ATXN7L1: variants seen among roughly 807,000 people sequenced by gnomAD.
The protein encoded by ATXN7L1 is ataxin-7-like protein 1.
Under a neutral mutation model 70.8 loss-of-function variants are expected in ATXN7L1, and 15 were observed. The ratio of observed to expected loss-of-function variants is 0.21; its 90% CI spans 0.14 to 0.33. The LOEUF (loss-of-function observed/expected upper bound fraction) is 0.33. Among genes scored for constraint, ATXN7L1 ranks in the 10% least tolerant of loss-of-function variants. The pLI is 1.00. For missense variants in ATXN7L1, 975 were observed against 1,097.1 expected (o/e 0.89, Z 1.57); for synonymous variants, 440 against 445.1 (o/e 0.99, Z 0.14).
At chr7:105,622,481 G>A (rs565946027) in intron 8 of ATXN7L1, among the ~76,000 whole-genome samples, 1 of 152,324 alleles carries the variant, frequency 6.6e-6, no homozygotes, top group South Asian at 2.1e-4. Context: ...TCCTCACTGC[G>A]TGGGCCACCG....
At chr7:105,756,334 G>C (rs930647660) in intron 3 of ATXN7L1, among the ~76,000 whole-genome samples, 1 of 152,176 alleles carries the variant, frequency 6.6e-6, no homozygotes, top group Admixed American at 6.5e-5. Context: ...TGTGGGCAAA[G>C]GGAGTGCTCA....
intron 3 of ATXN7L1, among the ~76,000 whole-genome samples, chr7:105,750,215 G>A (rs1019202143): frequency 6.6e-6 from 1 of 151,584 alleles, no homozygotes. Context: ...TTAAGTTTGT[G>A]TTTCAAACAA....
chr7:105,690,978 T>C lies in ATXN7L1; in HGVS notation c.356-25690A>G, dbSNP rs1050986997. 5.3e-5 allele frequency among the ~76,000 whole-genome samples: 8 copies of C among 152,200 alleles called. 1 individual carries two copies. Among genetic ancestry groups the C allele is most frequent in the African/African-American group, 1.9e-4 (8 of 41,454 alleles). The stretch of plus-strand genomic sequence containing the variant: ...ATAAAGCATGAGCCCATATGCCATC[T>C]TGCAGTCAATCATCCTTTTAAAAAT... On this transcript the variant is annotated intron_variant, in intron 3 of 11. Coordinates refer to ENST00000419735, the MANE Select transcript of ATXN7L1 (RefSeq NM_020725.2).
At chr7:105,824,921 CAA>C (rs202077099) in intron 2 of ATXN7L1, among the ~76,000 whole-genome samples, 1 of 95,570 alleles carries the variant, frequency 1.0e-5, no homozygotes, top group Non-Finnish European at 2.2e-5. Context: ...GATTCCGTCT[CAA>C]AAAAAAAAAA....
At chr7:105,872,558 C>T (rs886532900) in intron 2 of ATXN7L1, among the ~76,000 whole-genome samples, 3 of 152,044 alleles carry the variant, frequency 2.0e-5, no homozygotes, top group African/African-American at 2.4e-5. Context: ...GTGAAATAAA[C>T]CAGATACAAA....
chr7:105,624,968 C>G (rs1445160455), intron 7 of ATXN7L1, among the ~76,000 whole-genome samples: 1 of 152,240 alleles, frequency 6.6e-6, no homozygotes, highest in African/African-American at 2.4e-5. Context: ...ACTTGCCATA[C>G]AGTTGCTTTC....
intron 7 of ATXN7L1, among the ~76,000 whole-genome samples, chr7:105,631,296 G>A (rs2115854772): frequency 6.6e-6 from 1 of 152,298 alleles, no homozygotes; most frequent in African/African-American, 2.4e-5. Flanking sequence ...CCTCCAAGAA[G>A]CTGGCCACCT....
At chr7:105,704,996 T>C (rs969600424) in intron 3 of ATXN7L1, among the ~76,000 whole-genome samples, 1 of 152,012 alleles carries the variant, frequency 6.6e-6, no homozygotes, top group East Asian at 1.9e-4. Context: ...AACTCAGTTT[T>C]GTAGAGATTA....
chr7:105,612,278 G>A (rs908948720), intron 10 of ATXN7L1, among the ~76,000 whole-genome samples: 10 of 152,224 alleles, frequency 6.6e-5, no homozygotes, highest in Non-Finnish European at 1.3e-4. Flanking sequence ...TGTAAAAGGA[G>A]AGTAACAGCA....
chr7:105,821,836 CACA>C (rs1358442175), intron 2 of ATXN7L1, among the ~76,000 whole-genome samples: 1 of 152,248 alleles, frequency 6.6e-6, no homozygotes. Context: ...CTCCTGTGCT[CACA>C]ACACTTCCAT....
In ATXN7L1 at chr7:105,834,406, A is replaced by G. The variant is rs931433733; in HGVS notation, c.250+41406T>C. 2.9e-4 allele frequency among the ~76,000 whole-genome samples: 44 copies of G among 152,198 alleles called. 1 individual carries two copies. Among genetic ancestry groups the G allele is most frequent in the African/African-American group, 1.1e-3 (44 of 41,434 alleles). On this transcript the variant is annotated intron_variant, in intron 2 of 11. Transcript: ENST00000419735. ...TAGTATGCCACTGAATGGATATATC[A>G]CAAATTACTTAACCAGTCTCCTATC... is the stretch of plus-strand genomic sequence containing the variant.
At chr7:105,645,354 A>G (rs1798828324) in intron 4 of ATXN7L1, among the ~76,000 whole-genome samples, 1 of 152,222 alleles carries the variant, frequency 6.6e-6, no homozygotes, top group Non-Finnish European at 1.5e-5. Flanking sequence ...ACTTCAATAA[A>G]CCTGACTTTA....
In ATXN7L1 at chr7:105,787,365, C is replaced by T. The variant is rs150312162; in HGVS notation, c.355+1239G>A. Among the ~76,000 whole-genome samples, 7 of 152,304 alleles carry T rather than the reference C, an allele frequency of 4.6e-5. No homozygotes were observed. In the South Asian group the frequency reaches 6.2e-4, roughly 14 times the overall value. ...CCTCTGACCAAACCTCCTCCTATAG[C>T]GCTTTCTAGGGCCCTTGCTTTGCCT... is the stretch of plus-strand genomic sequence containing the variant. On this transcript the variant is annotated intron_variant, in intron 3 of 11. Transcript: ENST00000419735.
chr7:105,718,399 T>A (rs896978502), intron 3 of ATXN7L1, among the ~76,000 whole-genome samples: 6 of 152,108 alleles, frequency 3.9e-5, no homozygotes, highest in African/African-American at 1.4e-4. Flanking sequence ...TAAAAAACAA[T>A]ATAAATGGGA....
At chr7:105,830,017 C>T (rs796950756) in intron 2 of ATXN7L1, among the ~76,000 whole-genome samples, 8 of 152,318 alleles carry the variant, frequency 5.3e-5, no homozygotes, top group African/African-American at 9.6e-5. Flanking sequence ...TGGGGACACA[C>T]GAAGTGGCTC....
intron 4 of ATXN7L1, among the ~76,000 whole-genome samples, chr7:105,653,309 G>A (rs758492706): frequency 4.7e-4 from 72 of 152,136 alleles, no homozygotes; most frequent in Middle Eastern, 3.4e-3. Context: ...TTAGCCAGGC[G>A]TGGTGGTGTA....
chr7:105,775,339 C>G (rs1366704390), intron 3 of ATXN7L1, among the ~76,000 whole-genome samples: 1 of 152,144 alleles, frequency 6.6e-6, no homozygotes, highest in Non-Finnish European at 1.5e-5. Flanking sequence ...CAAAGTAGCT[C>G]TACACATCAT....
At chr7:105,799,627 C>T (rs904204938) in intron 2 of ATXN7L1, among the ~76,000 whole-genome samples, 1 of 152,128 alleles carries the variant, frequency 6.6e-6, no homozygotes, top group African/African-American at 2.4e-5. Flanking sequence ...TATGGAACGC[C>T]TTTAGTCAAG....
chr7:105,638,126 C>T (rs1239256463), intron 7 of ATXN7L1, among the ~76,000 whole-genome samples: 1 of 152,200 alleles, frequency 6.6e-6, no homozygotes. Context: ...ATGATGATGA[C>T]AGTGATGATA....
Sources: allele counts gnomAD v4.1 joint callset (sites outside exome capture counted in the v4.1 genomes callset), GRCh38; gene constraint gnomAD v4.1.1; transcripts MANE v1.5; gene names NCBI Gene and HGNC (gene_info 2026-07-23, HGNC 2026-07-21).